The following MYO3B variants were observed in gnomAD, a reference collection of about 807,000 sequenced individuals.
MYO3B encodes myosin-IIIb.
MYO3B carries 156 observed loss-of-function variants against 174.6 expected under a neutral mutation model. The observed-to-expected ratio is 0.89, with a 90% CI of 0.78 to 1.02. The LOEUF is 1.02. Ranked by LOEUF, MYO3B falls within the 50% of genes least tolerant of loss-of-function variation. The probability of loss-of-function intolerance (pLI) is 0.00; values close to 1 mark genes in which losing one functional copy is unlikely to be tolerated. For synonymous variants in MYO3B, 563 were observed against 569.1 expected (o/e 0.99, Z 0.15); for missense variants, 1,632 against 1,639.4 (o/e 1.00, Z 0.08).
intron 9 of MYO3B, among the ~76,000 whole-genome samples, chr2:170,379,238 A>G (rs890618737): frequency 4.9e-5 from 7 of 141,432 alleles, no homozygotes; most frequent in Non-Finnish European, 7.5e-5. Context: ...CTCTGTTGCC[A>G]GGTTGGCATG....
In MYO3B at chr2:170,475,382, C is replaced by T. The variant is rs1040851286; in HGVS notation, c.3014+8671C>T. Among the ~76,000 whole-genome samples the T allele has an allele frequency of 3.9e-5, 6 of 152,096 alleles. 1 individual carries two copies. Among genetic ancestry groups the T allele is most frequent in the Admixed American group, 2.0e-4 (3 of 15,272 alleles). On this transcript the variant is annotated intron_variant, in intron 25 of 34. Transcript: ENST00000408978. ...TCTCCTGCCTCAGCCTACAAGCAAC[C>T]GAAGACTACATGTGCAAACCACCAT...
chr2:170,616,844 T>G (rs566555863), intron 32 of MYO3B, among the ~76,000 whole-genome samples: 1 of 152,238 alleles, frequency 6.6e-6, no homozygotes, highest in Non-Finnish European at 1.5e-5. Flanking sequence ...AGTTTGCTTA[T>G]GTCTAAAGCT....
chr2:170,343,133 G>A (rs1390256300), intron 8 of MYO3B, among the ~76,000 whole-genome samples: 2 of 151,498 alleles, frequency 1.3e-5, no homozygotes, highest in East Asian at 3.9e-4. Context: ...AGAATTGGCT[G>A]CAACAGGAGT....
At chr2:170,478,889 TACAC>T (rs143792197) in intron 25 of MYO3B, among the ~76,000 whole-genome samples, 2,352 of 137,292 alleles carry the variant, frequency 0.017, 53 homozygotes, top group East Asian at 0.083. Context: ...AGGTTTTACA[TACAC>T]ACACACACAC....
At chr2:170,626,263 G>A (rs1403848026) in intron 32 of MYO3B, among the ~76,000 whole-genome samples, 1 of 152,184 alleles carries the variant, frequency 6.6e-6, no homozygotes, top group Non-Finnish European at 1.5e-5. Context: ...ATATATTTAG[G>A]ATAGTTAGCT....
At chr2:170,547,423 A>G (rs867444363) in intron 32 of MYO3B, among the ~76,000 whole-genome samples, 35 of 152,302 alleles carry the variant, frequency 2.3e-4, no homozygotes, top group African/African-American at 5.8e-4. Flanking sequence ...CGGGAAGTGC[A>G]TAATTCTAGT....
chr2:170,555,579 T>C (rs6433214), intron 32 of MYO3B, among the ~76,000 whole-genome samples: 121,081 of 152,074 alleles, frequency 0.8, 48,736 homozygotes, highest in African/African-American at 0.87. Flanking sequence ...TTTAGCAATA[T>C]GTACTTAAGA....
At chr2:170,335,869 AG>A (rs1245865567) in intron 8 of MYO3B, among the ~76,000 whole-genome samples, 1 of 152,152 alleles carries the variant, frequency 6.6e-6, no homozygotes, top group East Asian at 1.9e-4. Flanking sequence ...CATGGGAACA[AG>A]GGTCCAGTTT....
At chr2:170,298,903 A>G (rs985981260) in intron 7 of MYO3B, among the ~76,000 whole-genome samples, 14 of 152,122 alleles carry the variant, frequency 9.2e-5, no homozygotes, top group African/African-American at 3.1e-4. Context: ...TTAGATACAT[A>G]AATACTATTG....
At chr2:170,313,681 G>T (rs1246987902) in intron 7 of MYO3B, among the ~76,000 whole-genome samples, 2 of 152,170 alleles carry the variant, frequency 1.3e-5, no homozygotes, top group East Asian at 3.9e-4. Flanking sequence ...ATTTAGTATT[G>T]TTTCCCCCTC....
At chr2:170,567,240 T>A (rs1009246361) in intron 32 of MYO3B, among the ~76,000 whole-genome samples, 5 of 152,224 alleles carry the variant, frequency 3.3e-5, no homozygotes, top group Non-Finnish European at 7.3e-5. Context: ...ATTTTAATAA[T>A]GTATTCTACT....
chr2:170,476,577 G>A (rs1685332340), intron 25 of MYO3B, among the ~76,000 whole-genome samples: 1 of 152,038 alleles, frequency 6.6e-6, no homozygotes, highest in South Asian at 2.1e-4. Context: ...ACTGCCCCTA[G>A]CAGAACTCCT....
chr2:170,477,697 C>T (rs1242886083), intron 25 of MYO3B, among the ~76,000 whole-genome samples: 1 of 150,508 alleles, frequency 6.6e-6, no homozygotes, highest in Non-Finnish European at 1.5e-5. Flanking sequence ...TTTCTAGATT[C>T]TACATACTAG....
intron 30 of MYO3B, among the ~76,000 whole-genome samples, chr2:170,536,724 C>A (rs1689703773): frequency 6.6e-6 from 1 of 152,278 alleles, no homozygotes; most frequent in South Asian, 2.1e-4. Context: ...AGTATCTCTT[C>A]TCTGATGTCA....
At chr2:170,571,063 A>G (rs139632692) in intron 32 of MYO3B, among the ~76,000 whole-genome samples, 335 of 152,326 alleles carry the variant, frequency 2.2e-3, no homozygotes, top group Non-Finnish European at 3.1e-3. Context: ...TAACATGTAT[A>G]TAGATTTAAT....
At chr2:170,573,358 T>C (rs2106283683) in intron 32 of MYO3B, among the ~76,000 whole-genome samples, 1 of 152,056 alleles carries the variant, frequency 6.6e-6, no homozygotes, top group South Asian at 2.1e-4. Context: ...AAGAAGACTA[T>C]AGAGTGGATA....
chr2:170,438,002 GCA>G (rs1412166000), intron 22 of MYO3B, among the ~76,000 whole-genome samples: 1 of 152,022 alleles, frequency 6.6e-6, no homozygotes, highest in Non-Finnish European at 1.5e-5. Context: ...TCAAATATGT[GCA>G]CAGTTTTGCA....
intron 32 of MYO3B, among the ~76,000 whole-genome samples, chr2:170,548,135 A>G (rs900816782): frequency 9.5e-5 from 13 of 136,840 alleles, no homozygotes; most frequent in Non-Finnish European, 1.7e-4. Context: ...AAAAAAAAAA[A>G]GAATGTGAGG....
intron 32 of MYO3B, among the ~76,000 whole-genome samples, chr2:170,648,830 A>G (rs1320348152): frequency 9.5e-6 from 1 of 105,740 alleles, no homozygotes; most frequent in African/African-American, 3.7e-5. Context: ...GAATATTATA[A>G]ATAATATATT....
Sources: allele counts gnomAD v4.1 joint callset (sites outside exome capture counted in the v4.1 genomes callset), GRCh38; gene constraint gnomAD v4.1.1; transcripts MANE v1.5; gene names NCBI Gene and HGNC (gene_info 2026-07-23, HGNC 2026-07-21).